The following RRM2B variants were observed in gnomAD, a reference collection of about 807,000 sequenced individuals.
RRM2B encodes the protein ribonucleotide reductase regulatory TP53 inducible subunit M2B.
Under a neutral mutation model 45.9 loss-of-function variants are expected in RRM2B, and 20 were observed. The ratio of observed to expected loss-of-function variants is 0.44; its 90% CI spans 0.31 to 0.63. RRM2B has a LOEUF of 0.63. Ranked by LOEUF, RRM2B falls within the 30% of genes least tolerant of loss-of-function variation. The pLI is 0.09. For missense variants in RRM2B, 320 were observed against 414.7 expected (o/e 0.77, Z 1.98); for synonymous variants, 124 against 132.3 (o/e 0.94, Z 0.43).
At chr8:102,219,076 G>C in intron 5 of RRM2B, 129 bp from the exon 6 acceptor site, 1 of 990,724 alleles carries the variant, frequency 1.0e-6, no homozygotes, top group Non-Finnish European at 1.5e-6. Context: ...TTAGTGCCAT[G>C]GCCAAAGATC....
At chr8:102,214,479 C>A in intron 6 of RRM2B, 1 of 271,228 alleles carries the variant, frequency 3.7e-6, no homozygotes, top group Non-Finnish European at 7.5e-6. Flanking sequence ...AATGAAAATT[C>A]ATTAATTTTT....
At chr8:102,218,275 G>C (rs960195695) in intron 6 of RRM2B, among the ~76,000 whole-genome samples, 3 of 152,150 alleles carry the variant, frequency 2.0e-5, no homozygotes, top group Non-Finnish European at 4.4e-5. Flanking sequence ...GGGAACCTAG[G>C]AGGACACTGA....
intron 8 of RRM2B, among the ~76,000 whole-genome samples, chr8:102,211,044 C>T (rs560723676): frequency 7.9e-5 from 12 of 152,022 alleles, no homozygotes; most frequent in Admixed American, 2.0e-4. Flanking sequence ...AAGGGTCTCA[C>T]TCTGTTGCTC....
At chr8:102,221,589 C>T (rs1303330498) in intron 5 of RRM2B, among the ~76,000 whole-genome samples, 1 of 152,224 alleles carries the variant, frequency 6.6e-6, no homozygotes, top group Non-Finnish European at 1.5e-5. Context: ...TTCCACTCTA[C>T]ACCCATTCAA....
chr8:102,222,308 C>T (rs1465027025), intron 5 of RRM2B, among the ~76,000 whole-genome samples: 1 of 152,112 alleles, frequency 6.6e-6, no homozygotes, highest in Admixed American at 6.5e-5. Context: ...AACTGCTGGC[C>T]TCAAGTGATC....
intron 5 of RRM2B, among the ~76,000 whole-genome samples, chr8:102,223,152 T>C (rs1199586145): frequency 6.6e-6 from 1 of 152,082 alleles, no homozygotes; most frequent in East Asian, 1.9e-4. Flanking sequence ...AATATATAAA[T>C]ATTTTAATTA....
intron 8 of RRM2B, 125 bp downstream of exon 8, chr8:102,212,651 G>T: frequency 1.6e-6 from 1 of 618,992 alleles, no homozygotes; most frequent in Non-Finnish European, 2.9e-6. Context: ...TACAAAACAA[G>T]TCTCTGTCAT....
At position 102,215,404 on chromosome 8, in the gene RRM2B, T is replaced by A. The variant is rs565735250; in HGVS notation, c.685-1246A>T. ...CAGCCTGGGTGACAGTGAGACTGTT[T>A]CAAAAAAAAAAAAGGAAGAAAGAAG... On this transcript the variant is annotated intron_variant, in intron 6 of 8. Coordinates refer to ENST00000251810, the MANE Select transcript of RRM2B (RefSeq NM_015713.5). Among the ~76,000 whole-genome samples, 387 of 144,342 alleles carry A rather than the reference T, an allele frequency of 2.7e-3. 2 individuals are homozygous for A. The highest frequency in any genetic ancestry group is 8.8e-3 in the African/African-American group (353 of 40,106). The allele number at this position is 144,342 out of a possible 152,430, so 94.7% of individuals were successfully genotyped here.
chr8:102,233,560 A>T (rs2132563892), intron 1 of RRM2B, among the ~76,000 whole-genome samples: 1 of 152,350 alleles, frequency 6.6e-6, no homozygotes. Context: ...ATTTTAATTT[A>T]ACATAGGACC....
chr8:102,210,484 CAG>C (rs1259818196), intron 8 of RRM2B, among the ~76,000 whole-genome samples: 3 of 151,752 alleles, frequency 2.0e-5, no homozygotes, highest in Non-Finnish European at 1.5e-5. Context: ...TTTTTTGACA[CAG>C]AGTTTCGGTC....
intron 6 of RRM2B, chr8:102,214,451 TAAAG>T: frequency 3.0e-6 from 1 of 334,054 alleles, no homozygotes; most frequent in Admixed American, 4.2e-5. Flanking sequence ...GAAAGGAAAA[TAAAG>T]CAAGAAAGCC....
intron 1 of RRM2B, among the ~76,000 whole-genome samples, chr8:102,233,725 T>C (rs1811073205): frequency 6.6e-6 from 1 of 152,242 alleles, no homozygotes; most frequent in Admixed American, 6.5e-5. Flanking sequence ...CCTGTGCTTC[T>C]TGAAAGTAAA....
At chr8:102,211,062 A>C (rs566755309) in intron 8 of RRM2B, among the ~76,000 whole-genome samples, 11 of 152,094 alleles carry the variant, frequency 7.2e-5, no homozygotes, top group Non-Finnish European at 1.6e-4. Flanking sequence ...CTCAGGCTGG[A>C]GTGCCGTGGC....
chr8:102,218,773 T>C (rs770634759), intron 6 of RRM2B, 41 bp downstream of exon 6: 2 of 1,407,926 alleles, frequency 1.4e-6, no homozygotes, highest in East Asian at 4.6e-5. Flanking sequence ...GAACATCAAA[T>C]ATGAATACAA....
intron 6 of RRM2B, among the ~76,000 whole-genome samples, chr8:102,217,483 C>T (rs535751508): frequency 1.3e-5 from 2 of 152,132 alleles, no homozygotes; most frequent in Non-Finnish European, 2.9e-5. Context: ...AAAATACTTT[C>T]ACATACACTA....
At position 102,209,650 on chromosome 8, in the gene RRM2B, G is replaced by A. The variant is rs1241074864; in HGVS notation, c.904-1365C>T. Among the ~76,000 whole-genome samples the A allele has an allele frequency of 2.6e-5, 4 of 152,282 alleles. No homozygotes were observed. The East Asian group carries it at 7.7e-4, about 29-fold the overall frequency. Reference sequence around the variant, plus strand: ...TCCTAGGTGTATACTTAAGAGATATGAAAACATGTCCACACAAAAATGTGT... The same window carrying A: ...TCCTAGGTGTATACTTAAGAGATATAAAAACATGTCCACACAAAAATGTGT... On this transcript the variant is annotated intron_variant, in intron 8 of 8. Transcript: ENST00000251810.
chr8:102,211,471 C>T (rs571003896), intron 8 of RRM2B, among the ~76,000 whole-genome samples: 3 of 152,282 alleles, frequency 2.0e-5, no homozygotes, highest in South Asian at 2.1e-4. Context: ...TAGACCTTCT[C>T]CTGCAGGAGG....
chr8:102,235,588 C>T (rs1208331934), intron 1 of RRM2B, among the ~76,000 whole-genome samples: 1 of 152,216 alleles, frequency 6.6e-6, no homozygotes, highest in Non-Finnish European at 1.5e-5. Context: ...CGCCTGTAAT[C>T]CCAGCACTTT....
At chr8:102,212,732 C>T (rs1311762545) in intron 8 of RRM2B, 44 bp downstream of exon 8, 3 of 1,007,350 alleles carry the variant, frequency 3.0e-6, no homozygotes, top group Admixed American at 3.5e-5. Flanking sequence ...CCTTGCTTTC[C>T]TATAATATTT....
Sources: allele counts gnomAD v4.1 joint callset (sites outside exome capture counted in the v4.1 genomes callset), GRCh38; gene constraint gnomAD v4.1.1; transcripts MANE v1.5; gene names NCBI Gene and HGNC (gene_info 2026-07-23, HGNC 2026-07-21).